Variants in SH3GL2 observed in about 807,000 individuals in gnomAD.
The protein encoded by SH3GL2 is SH3 domain containing GRB2 like 2, endophilin A1, also known as endophilin-A1.
In SH3GL2, 24 loss-of-function variants were observed where a neutral mutation model predicts 46.0. That is an observed-to-expected ratio of 0.52 (90% CI 0.38 to 0.73). The LOEUF (loss-of-function observed/expected upper bound fraction) is 0.73. Ranked by LOEUF, SH3GL2 falls within the 30% of genes least tolerant of loss-of-function variation. SH3GL2 has a pLI of 0.00. For missense variants in SH3GL2, 413 were observed against 424.2 expected, an observed-to-expected ratio of 0.97 and a Z score of 0.23; for synonymous variants, 196 against 147.1, an observed-to-expected ratio of 1.33 and a Z score of -2.40.
chr9:17,789,284 C>A, intron 5 of SH3GL2, 108 bp from the exon 6 acceptor site: 1 of 860,110 alleles, frequency 1.2e-6, no homozygotes, highest in Admixed American at 2.3e-5. Context: ...TATTTTAAAA[C>A]TTAGCCTATC....
chr9:17,743,890 C>G (rs774858760), intron 1 of SH3GL2, among the ~76,000 whole-genome samples: 4 of 152,188 alleles, frequency 2.6e-5, no homozygotes, highest in African/African-American at 7.2e-5. Flanking sequence ...CCAGGATTCT[C>G]TATTAATGAA....
rs557335261 is a variant in SH3GL2 at position 17,783,189 on chromosome 9, C to G, written c.188-3192C>G. Among the ~76,000 whole-genome samples the G allele has an allele frequency of 2.5e-4, 38 of 152,164 alleles. 1 individual carries two copies. The highest frequency in any genetic ancestry group is 9.2e-4 in the African/African-American group (38 of 41,508). ...TGAGAGATTTCTCAGGGATTCACAG[C>G]TAACTAGCAAGATTTATAGCCTGGA... On this transcript the variant is annotated intron_variant, in intron 3 of 8. Coordinates refer to ENST00000380607, the MANE Select transcript of SH3GL2 (RefSeq NM_003026.5).
At chr9:17,699,120 G>T (rs12554712) in intron 1 of SH3GL2, among the ~76,000 whole-genome samples, 9 of 140,666 alleles carry the variant, frequency 6.4e-5, no homozygotes, top group African/African-American at 1.9e-4. Flanking sequence ...ATGCCACTGC[G>T]CTCCAGCTAG....
chr9:17,777,010 C>G (rs1461794095), intron 3 of SH3GL2, among the ~76,000 whole-genome samples: 2 of 152,148 alleles, frequency 1.3e-5, no homozygotes, highest in Non-Finnish European at 2.9e-5. Context: ...GAAGCAGATG[C>G]TCTGTAAATA....
At chr9:17,627,333 G>A (rs1467546) in intron 1 of SH3GL2, among the ~76,000 whole-genome samples, 1 of 151,874 alleles carries the variant, frequency 6.6e-6, no homozygotes, top group Non-Finnish European at 1.5e-5. Flanking sequence ...TAGCTTGATC[G>A]TTGGGGAATA....
At chr9:17,582,390 A>G (rs1274235039) in intron 1 of SH3GL2, among the ~76,000 whole-genome samples, 1 of 152,220 alleles carries the variant, frequency 6.6e-6, no homozygotes, top group Admixed American at 6.5e-5. Context: ...TAAAGGGCAG[A>G]TGATCTTGTG....
intron 1 of SH3GL2, among the ~76,000 whole-genome samples, chr9:17,636,513 T>G (rs137922491): frequency 6.6e-6 from 1 of 152,294 alleles, no homozygotes; most frequent in East Asian, 1.9e-4. Context: ...CAAAATGACC[T>G]TTTTCACTAC....
chr9:17,641,557 AT>A (rs1819682571), intron 1 of SH3GL2, among the ~76,000 whole-genome samples: 1 of 152,134 alleles, frequency 6.6e-6, no homozygotes. Flanking sequence ...CGTCATCTAC[AT>A]TAGGTATTTC....
intron 1 of SH3GL2, among the ~76,000 whole-genome samples, chr9:17,607,220 A>G (rs914203089): frequency 6.6e-6 from 1 of 152,192 alleles, no homozygotes; most frequent in African/African-American, 2.4e-5. Flanking sequence ...GCCTGCTGCA[A>G]ACCTAGGCTA....
chr9:17,752,584 A>G (rs1299418603), intron 2 of SH3GL2, among the ~76,000 whole-genome samples: 1 of 152,094 alleles, frequency 6.6e-6, no homozygotes, highest in Admixed American at 6.6e-5. Flanking sequence ...TATCACCTCA[A>G]ACTTCTGGGC....
intron 1 of SH3GL2, among the ~76,000 whole-genome samples, chr9:17,599,491 C>T (rs956375825): frequency 1.3e-5 from 2 of 152,138 alleles, no homozygotes; most frequent in Non-Finnish European, 2.9e-5. Flanking sequence ...ATGCAGATTC[C>T]CTTTGATTAA....
At chr9:17,723,994 T>C (rs566650868) in intron 1 of SH3GL2, among the ~76,000 whole-genome samples, 4 of 152,280 alleles carry the variant, frequency 2.6e-5, no homozygotes, top group Middle Eastern at 3.4e-3. Context: ...TTGTAATTCA[T>C]TGAGCTTCTT....
intron 1 of SH3GL2, among the ~76,000 whole-genome samples, chr9:17,593,776 AG>A (rs1818525006): frequency 6.6e-6 from 1 of 152,174 alleles, no homozygotes; most frequent in African/African-American, 2.4e-5. Context: ...CTTTAAGAGA[AG>A]CTTTTGAAGT....
intron 1 of SH3GL2, chr9:17,735,789 G>A (rs1004470671): frequency 5.2e-6 from 5 of 964,144 alleles, no homozygotes; most frequent in African/African-American, 1.8e-5. Context: ...AGCATAATAG[G>A]AAAGAAGGGC....
intron 1 of SH3GL2, among the ~76,000 whole-genome samples, chr9:17,728,574 C>G (rs1362181994): frequency 6.6e-6 from 1 of 151,826 alleles, no homozygotes; most frequent in Non-Finnish European, 1.5e-5. Context: ...TCTGCTGCAC[C>G]CATCAGCCTG....
At chr9:17,682,084 A>G (rs1280051252) in intron 1 of SH3GL2, among the ~76,000 whole-genome samples, 2 of 152,116 alleles carry the variant, frequency 1.3e-5, no homozygotes, top group Admixed American at 6.5e-5. Context: ...GCCTGTGGAG[A>G]AATGGGAACA....
chr9:17,773,784 C>T (rs1457228008), intron 3 of SH3GL2, among the ~76,000 whole-genome samples: 1 of 151,662 alleles, frequency 6.6e-6, no homozygotes, highest in African/African-American at 2.4e-5. Context: ...ATTTGGAGTC[C>T]CTTGAGATTC....
At chr9:17,703,648 C>A (rs1821392836) in intron 1 of SH3GL2, among the ~76,000 whole-genome samples, 1 of 152,040 alleles carries the variant, frequency 6.6e-6, no homozygotes. Context: ...GTTGGTTCAA[C>A]ATATGCAAAT....
intron 1 of SH3GL2, among the ~76,000 whole-genome samples, chr9:17,708,650 A>G (rs1007796319): frequency 6.6e-6 from 1 of 151,932 alleles, no homozygotes; most frequent in Admixed American, 6.6e-5. Flanking sequence ...AGACCACTTC[A>G]TTTACCCTCA....
Sources: allele counts gnomAD v4.1 joint callset (sites outside exome capture counted in the v4.1 genomes callset), GRCh38; gene constraint gnomAD v4.1.1; transcripts MANE v1.5; gene names NCBI Gene and HGNC (gene_info 2026-07-23, HGNC 2026-07-21).